Variants in SHISA6 observed in about 807,000 individuals in gnomAD.
SHISA6 encodes the protein protein shisa-6.
A neutral mutation model predicts 47.9 loss-of-function variants in SHISA6; 22 were observed. The observed-to-expected ratio is 0.46, with a 90% CI of 0.33 to 0.66. The LOEUF is 0.66. SHISA6 is among the 30% of genes least tolerant of loss of function. The probability of loss-of-function intolerance (pLI) is 0.02; values close to 1 mark genes in which losing one functional copy is unlikely to be tolerated. For missense variants in SHISA6, 680 were observed against 764.6 expected (o/e 0.89, Z 1.30); for synonymous variants, 388 against 337.8 (o/e 1.15, Z -1.63).
At chr17:11,301,266 TC>T (rs1439304877) in intron 2 of SHISA6, among the ~76,000 whole-genome samples, 1 of 152,150 alleles carries the variant, frequency 6.6e-6, no homozygotes, top group Admixed American at 6.5e-5. Context: ...ACTGTTTATC[TC>T]CTGGGTGCGT....
At chr17:11,334,649 G>A (rs1476763147) in intron 2 of SHISA6, among the ~76,000 whole-genome samples, 1 of 152,210 alleles carries the variant, frequency 6.6e-6, no homozygotes, top group Non-Finnish European at 1.5e-5. Flanking sequence ...GGGGGAGGGA[G>A]ACTGCCACAT....
intron 3 of SHISA6, among the ~76,000 whole-genome samples, chr17:11,459,206 G>A (rs1915637301): frequency 7.1e-6 from 1 of 140,284 alleles, no homozygotes; most frequent in Non-Finnish European, 1.5e-5. Context: ...GCGACAGAGC[G>A]AGACTCCATC....
intron 2 of SHISA6, among the ~76,000 whole-genome samples, chr17:11,330,157 A>G (rs1025408489): frequency 6.6e-6 from 1 of 151,890 alleles, no homozygotes; most frequent in African/African-American, 2.4e-5. Flanking sequence ...GTTCTGGTTG[A>G]CCTGTCTTGG....
chr17:11,249,758 G>A (rs1430249857), intron 1 of SHISA6, among the ~76,000 whole-genome samples: 3 of 152,184 alleles, frequency 2.0e-5, no homozygotes, highest in Non-Finnish European at 2.9e-5. Context: ...TTTGATTCTT[G>A]TAAGCAATGG....
At chr17:11,473,788 T>C (rs1915984156) in intron 3 of SHISA6, among the ~76,000 whole-genome samples, 2 of 152,138 alleles carry the variant, frequency 1.3e-5, no homozygotes, top group South Asian at 2.1e-4. Flanking sequence ...ATGTGCAGAT[T>C]GTGCAGGTTT....
intron 2 of SHISA6, among the ~76,000 whole-genome samples, chr17:11,312,832 T>A (rs551808930): frequency 6.6e-6 from 1 of 152,324 alleles, no homozygotes; most frequent in East Asian, 1.9e-4. Context: ...TGTCGTTTTT[T>A]AAAAACAATA....
chr17:11,289,049 C>A (rs1285069331), intron 2 of SHISA6: 1 of 152,058 alleles, frequency 6.6e-6, no homozygotes, highest in Non-Finnish European at 1.5e-5. Flanking sequence ...AAATACACAA[C>A]AAATGTTTTT....
intron 2 of SHISA6, among the ~76,000 whole-genome samples, chr17:11,297,619 A>G (rs1371608467): frequency 2.0e-5 from 3 of 152,122 alleles, no homozygotes; most frequent in African/African-American, 7.2e-5. Context: ...ATCTGGCCAC[A>G]TGGTCATGCT....
At chr17:11,464,217 A>C (rs891883958) in intron 3 of SHISA6, among the ~76,000 whole-genome samples, 22 of 152,192 alleles carry the variant, frequency 1.4e-4, no homozygotes, top group African/African-American at 4.3e-4. Flanking sequence ...GCACACAGCC[A>C]TGGAAAAGAT....
chr17:11,517,847 C>G (rs1008557420), intron 3 of SHISA6, among the ~76,000 whole-genome samples: 1 of 152,018 alleles, frequency 6.6e-6, no homozygotes, highest in Non-Finnish European at 1.5e-5. Context: ...GCTTACTGCT[C>G]ACCACCCCAC....
chr17:11,455,804 C>G (rs1915519207), intron 3 of SHISA6, among the ~76,000 whole-genome samples: 2 of 152,168 alleles, frequency 1.3e-5, no homozygotes, highest in African/African-American at 4.8e-5. Flanking sequence ...GGTGCACTAC[C>G]TACTGGCCAT....
chr17:11,510,663 A>G (rs1188975375), intron 3 of SHISA6, among the ~76,000 whole-genome samples: 1 of 152,226 alleles, frequency 6.6e-6, no homozygotes, highest in African/African-American at 2.4e-5. Flanking sequence ...GAAACAGCAC[A>G]GACATTTGAG....
In SHISA6 at chr17:11,241,894, G is replaced by T. The variant is rs1305175614; in HGVS notation, c.472G>T (p.Val158Leu). Residue 158 changes from valine (V) to leucine (L), a missense_variant, in exon 1 of 6, where the codon GTG becomes TTG. Val to Leu is a conservative substitution (Grantham distance 32). Transcript: ENST00000441885. The surrounding 1 kb of genome is among the most constrained non-coding windows in gnomAD (Gnocchi z 5.5). ...GTGGGTACAGACGCCCAGCACCAAGGTGGTGTCGCCGGGGCCCGAGAACAA... is the reference window on the plus strand; with the variant it reads ...GTGGGTACAGACGCCCAGCACCAAGTTGGTGTCGCCGGGGCCCGAGAACAA... ...PVWVQTPSTK[V>L]VSPGPENKYD... 6.4e-7 allele frequency: 1 copy of T among 1,551,166 alleles called. No homozygotes were observed. Among genetic ancestry groups the T allele is most frequent in the South Asian group, 1.2e-5 (1 of 84,056 alleles).
chr17:11,270,678 T>C (rs1211688434), intron 2 of SHISA6, among the ~76,000 whole-genome samples: 1 of 152,238 alleles, frequency 6.6e-6, no homozygotes, highest in Non-Finnish European at 1.5e-5. Context: ...AATTTGGACA[T>C]ATGTTTCCAT....
intron 2 of SHISA6, among the ~76,000 whole-genome samples, chr17:11,319,731 A>C (rs1910649147): frequency 6.6e-6 from 1 of 152,258 alleles, no homozygotes; most frequent in Non-Finnish European, 1.5e-5. Context: ...AACACTGTTC[A>C]AAATGTATTC....
At chr17:11,477,082 T>C (rs1331186805) in intron 3 of SHISA6, among the ~76,000 whole-genome samples, 1 of 152,218 alleles carries the variant, frequency 6.6e-6, no homozygotes, top group Non-Finnish European at 1.5e-5. Context: ...ATAGCTACTC[T>C]CATGTTCTTT....
chr17:11,370,648 TGA>T lies in SHISA6; in HGVS notation c.800-8763_800-8762del, dbSNP rs143780270. Among the ~76,000 whole-genome samples the T allele has an allele frequency of 3.1e-3, 466 of 152,230 alleles. 5 individuals carry two copies. Among genetic ancestry groups the T allele is most frequent in the African/African-American group, 0.01 (436 of 41,564 alleles). On this transcript the variant is annotated intron_variant, in intron 2 of 5. Coordinates refer to ENST00000441885, the MANE Select transcript of SHISA6 (RefSeq NM_207386.4). ...GTGCTCCTCAAGCTTCCGTATCTGA[TGA>T]GATCTTCTGCTTTCTCTTAGGGCAG...
At position 11,263,418 on chromosome 17, in the gene SHISA6, G is replaced by A; in HGVS notation, c.691G>A (p.Glu231Lys). The part of the protein sequence containing the change: ...QQGPIPIAHC[E>K]RETISAIDTS... ...GGGACCAATCCCCATAGCACACTGTGAAAGAGAAACTATCTCGGCTATCGA... is the reference window on the plus strand; with the variant it reads ...GGGACCAATCCCCATAGCACACTGTAAAAGAGAAACTATCTCGGCTATCGA... The change falls in exon 2 of 6, where the codon GAA becomes AAA. Residue 231 changes from glutamate (E) to lysine (K), a missense_variant. Glu to Lys is a moderately conservative substitution (Grantham distance 56, BLOSUM62 1). Transcript: ENST00000441885. 6.4e-7 allele frequency: 1 copy of A among 1,552,096 alleles called. No homozygotes were observed. The highest frequency in any genetic ancestry group is 8.7e-7 in the Non-Finnish European group (1 of 1,147,102).
At chr17:11,457,205 G>T (rs956605960) in intron 3 of SHISA6, among the ~76,000 whole-genome samples, 7 of 152,192 alleles carry the variant, frequency 4.6e-5, no homozygotes, top group Admixed American at 3.9e-4. Flanking sequence ...AGCCCTCCCT[G>T]GTACCCATTC....
Sources: gnomAD v4.1 joint callset for allele counts (sites outside exome capture counted in the v4.1 genomes callset) on GRCh38, gnomAD v4.1.1 for gene constraint, Gnocchi (gnomAD v3.1) non-coding constraint, MANE v1.5 for transcripts, NCBI Gene and HGNC (gene_info 2026-07-23, HGNC 2026-07-21) for gene names.